Variants in PM20D1 observed in about 807,000 individuals in gnomAD.
PM20D1 encodes N-fatty-acyl-amino acid synthase/hydrolase PM20D1.
In PM20D1, 53 loss-of-function variants were observed where a neutral mutation model predicts 53.8. The observed-to-expected ratio is 0.98, with a 90% CI of 0.79 to 1.24. The LOEUF is 1.24. Among genes scored for constraint, PM20D1 ranks in the 50% most tolerant of loss-of-function variants. The pLI, the probability that PM20D1 is intolerant of heterozygous loss-of-function variation, is 0.00. For synonymous variants in PM20D1, 239 were observed against 241.3 expected (o/e 0.99, Z 0.09); for missense variants, 564 against 616.8 (o/e 0.91, Z 0.91).
chr1:205,828,762 A>G lies in PM20D1; in HGVS notation c.1386-19T>C. 1 of 1,613,546 alleles carries G rather than the reference A, an allele frequency of 6.2e-7. No individual in the cohort carries two copies. Among genetic ancestry groups the G allele is most frequent in the Non-Finnish European group, 8.5e-7 (1 of 1,179,640 alleles). On this transcript the variant is annotated intron_variant, in intron 12 of 12. Transcript: ENST00000367136. ...ATGGATGCTGAGGAAAGTAAGGTGC[A>G]TTTAGGGAAGGAGGGGAGGGCCAAG...
rs1234273679 is a variant in PM20D1, at chr1:205,840,320, T to A, written c.1048A>T (p.Asn350Tyr). 6.2e-7 allele frequency: 1 copy of A among 1,613,512 alleles called. No individual in the cohort carries two copies. The highest frequency in any genetic ancestry group is 8.5e-7 in the Non-Finnish European group (1 of 1,179,676). Residue 350 changes from asparagine (N) to tyrosine (Y), a missense_variant, in exon 10 of 13, where the codon AAT (asparagine) becomes TAT (tyrosine). Transcript: ENST00000367136. ...LTIFKAGVKFNVIPPVAQATV... is the reference protein window; with the variant it reads ...LTIFKAGVKFYVIPPVAQATV... ...GCCTGGGCCACTGGGGGGATGACAT[T>A]GAACTAGAGAGAGAAGCACAAAACC...
chr1:205,830,775 A>G (rs1258118612), intron 11 of PM20D1, among the ~76,000 whole-genome samples: 1 of 151,516 alleles, frequency 6.6e-6, no homozygotes, highest in Non-Finnish European at 1.5e-5. Flanking sequence ...GCTGTTCCCC[A>G]TGACGCCCAG....
rs771424093 is a variant in PM20D1 at position 205,840,208 on chromosome 1, C to T, written c.1116+44G>A. 82 of 1,571,674 alleles carry T rather than the reference C, an allele frequency of 5.2e-5. No individual in the cohort carries two copies. In the Admixed American group the frequency reaches 1.3e-3, roughly 25 times the overall value. ...AACCCGGGCCCTGAGGGCCACATCT[C>T]CCTGATGCTGCATGAGTTGTTGTCT... On this transcript the variant is annotated intron_variant, in intron 10 of 12. Transcript: ENST00000367136.
Position 205,844,796 on chromosome 1 carries a change from G to T in PM20D1, c.576+15C>A, listed in dbSNP as rs1216606529. 3.7e-6 allele frequency: 6 copies of T among 1,603,666 alleles called. No homozygotes were observed. The highest frequency in any genetic ancestry group is 5.1e-6 in the Non-Finnish European group (6 of 1,170,854). ...AACAGAGGACAGAGATAGGTATAAG[G>T]TGAGGAGGCTCTACCTCCTCATCAT... On this transcript the variant is annotated intron_variant, in intron 4 of 12. Transcript: ENST00000367136.
intron 10 of PM20D1, among the ~76,000 whole-genome samples, chr1:205,833,562 A>G (rs1274866124): frequency 6.6e-6 from 1 of 152,232 alleles, no homozygotes; most frequent in Non-Finnish European, 1.5e-5. Flanking sequence ...TCCTTGGGAA[A>G]GAACCTAAGG....
chr1:205,844,184 G>A lies in PM20D1; in HGVS notation c.610C>T (p.Leu204=). ...AGCTGGACGCCCCTTGACTGTAGCA[G>A]GGCTGAGATCCTCTGAGCCCCTGTC... is the stretch of plus-strand genomic sequence containing the variant. The part of the protein sequence containing the change: ...SGTGAQRISA[L]LQSRGVQLAF... The change falls in exon 5 of 13, where the codon CTG becomes TTG. Residue 204 remains leucine (L), a synonymous_variant. Coordinates refer to ENST00000367136, the MANE Select transcript of PM20D1 (RefSeq NM_152491.5). 6.2e-7 allele frequency: 1 copy of A among 1,613,740 alleles called. No individual in the cohort carries two copies. The highest frequency in any genetic ancestry group is 8.5e-7 in the Non-Finnish European group (1 of 1,179,804).
intron 10 of PM20D1, among the ~76,000 whole-genome samples, chr1:205,837,552 A>AACTCT (rs1429669589): frequency 7.9e-5 from 12 of 152,202 alleles, no homozygotes; most frequent in Non-Finnish European, 1.6e-4. Flanking sequence ...ATCCAGCCCG[A>AACTCT]GGCTCTGTGC....
intron 4 of PM20D1, 64 bp from the exon 5 acceptor site, chr1:205,844,281 A>G: frequency 1.3e-6 from 2 of 1,495,098 alleles, no homozygotes; most frequent in South Asian, 1.4e-5. Context: ...AGACATAGCT[A>G]ATGGGGACCT....
chr1:205,849,887 AG>A lies in PM20D1; in HGVS notation c.169+16del. On this transcript the variant is annotated intron_variant, in intron 1 of 12. Transcript: ENST00000367136. Reference sequence around the variant, plus strand: ...CCCACATATGAGCATAGGTGGGTGAAGGGGACCCGGGTTCACCTTTCAGCGC... The same window carrying A: ...CCCACATATGAGCATAGGTGGGTGAAGGGACCCGGGTTCACCTTTCAGCGC... 1 of 1,603,670 alleles carries A rather than the reference AG, an allele frequency of 6.2e-7. No homozygotes were observed. The highest frequency in any genetic ancestry group is 1.1e-5 in the South Asian group (1 of 89,918).
At position 205,849,185 on chromosome 1, in the gene PM20D1, A is replaced by C. The variant is rs527486505; in HGVS notation, c.169+719T>G. 8.5e-5 allele frequency among the ~76,000 whole-genome samples: 13 copies of C among 152,350 alleles called. No homozygotes were observed. In the East Asian group the frequency reaches 2.3e-3, roughly 27 times the overall value. On this transcript the variant is annotated intron_variant, in intron 1 of 12. Coordinates refer to ENST00000367136, the MANE Select transcript of PM20D1 (RefSeq NM_152491.5). ...AATGAAAGGGAAAAGACTGGAGCTA[A>C]GCTGAATGGTAAAGAAGGATTTCAT... is the stretch of plus-strand genomic sequence containing the variant.
intron 5 of PM20D1, 83 bp downstream of exon 5, chr1:205,844,004 C>A: frequency 6.5e-7 from 1 of 1,537,490 alleles, no homozygotes; most frequent in Non-Finnish European, 8.8e-7. Context: ...GTTGTCTCAG[C>A]ATGGCTCACA....
Position 205,841,769 on chromosome 1 carries a change from G to A in PM20D1, c.1044+42C>T, listed in dbSNP as rs916003396. 3 of 1,502,674 alleles carry A rather than the reference G, an allele frequency of 2.0e-6. No homozygotes were observed. The Admixed American group carries it at 5.9e-5, about 29-fold the overall frequency. 93.1% of individuals were successfully genotyped at this position (1,502,674 alleles called of 1,614,324 possible). On this transcript the variant is annotated intron_variant, in intron 9 of 12. Transcript: ENST00000367136. ...GATTCAAGGAAGGGAGGAGTGGAGG[G>A]CGGTAGGGAAAAGCTATATGGGGAG...
rs747862752 is a variant in PM20D1 at position 205,843,792 on chromosome 1, G to C, written c.708-6C>G. ...CCTTCTCTGAGACTGCAATCCTGTA[G>C]AAGAGGATCGGAAACCACTCTCCTG... is the stretch of plus-strand genomic sequence containing the variant. On this transcript the variant is annotated splice_region_variant and splice_polypyrimidine_tract_variant and intron_variant, in intron 5 of 12. Coordinates refer to ENST00000367136, the MANE Select transcript of PM20D1 (RefSeq NM_152491.5). 3 of 1,612,784 alleles carry C rather than the reference G, an allele frequency of 1.9e-6. No homozygotes were observed. Among genetic ancestry groups the C allele is most frequent in the African/African-American group, 1.3e-5 (1 of 74,984 alleles).
chr1:205,828,367 C>G lies in PM20D1; in HGVS notation c.*253G>C, dbSNP rs889882662. ...AAGCAGTGAAATAACCAGCATAAGA[C>G]AGATAAGGGACAAGAGGGCAGCAAA... On this transcript the variant is annotated 3_prime_UTR_variant, in exon 13 of 13. Coordinates refer to ENST00000367136, the MANE Select transcript of PM20D1 (RefSeq NM_152491.5). 4.7e-6 allele frequency: 2 copies of G among 421,946 alleles called. No individual in the cohort carries two copies. Among genetic ancestry groups the G allele is most frequent in the Non-Finnish European group, 4.3e-6 (1 of 230,936 alleles). 26.1% of individuals were successfully genotyped at this position (421,946 alleles called of 1,614,324 possible).
intron 10 of PM20D1, among the ~76,000 whole-genome samples, chr1:205,838,509 T>A (rs751920640): frequency 3.9e-5 from 6 of 152,202 alleles, no homozygotes; most frequent in Non-Finnish European, 8.8e-5. Flanking sequence ...AATTATACAT[T>A]CATTTTTAAA....
intron 9 of PM20D1, among the ~76,000 whole-genome samples, chr1:205,841,166 T>C (rs1206988464): frequency 6.6e-6 from 1 of 152,186 alleles, no homozygotes; most frequent in Admixed American, 6.5e-5. Context: ...CTTTTTTGCC[T>C]GACCAGGAGG....
intron 10 of PM20D1, among the ~76,000 whole-genome samples, chr1:205,839,186 T>C (rs1388384116): frequency 6.6e-6 from 1 of 152,236 alleles, no homozygotes. Context: ...TCATCTCCTA[T>C]TACTTGTCCC....
intron 9 of PM20D1, among the ~76,000 whole-genome samples, 185 bp from the exon 10 acceptor site, chr1:205,840,508 T>C (rs1656782608): frequency 6.6e-6 from 1 of 152,342 alleles, no homozygotes; most frequent in South Asian, 2.1e-4. Flanking sequence ...TATTCAGAGC[T>C]GAAGGGGTGT....
chr1:205,828,447 G>A lies in PM20D1; in HGVS notation c.*173C>T, dbSNP rs1656488128. The A allele has an allele frequency of 1.1e-6, 1 of 910,928 alleles. No homozygotes were observed. Among genetic ancestry groups the A allele is most frequent in the Non-Finnish European group, 1.6e-6 (1 of 637,106 alleles). 56.4% of individuals were successfully genotyped at this position (910,928 alleles called of 1,614,324 possible). A position where few individuals can be genotyped will look rare whatever the true frequency, so the allele number is the denominator to read the frequency against. ...GGAGGAAGGGAGAAGCCAGATTTCTGCTGACTTTACCTTACCCCGGCCTTG... is the reference window on the plus strand; with the variant it reads ...GGAGGAAGGGAGAAGCCAGATTTCTACTGACTTTACCTTACCCCGGCCTTG... On this transcript the variant is annotated 3_prime_UTR_variant, in exon 13 of 13. Transcript: ENST00000367136.
Sources: gnomAD v4.1 joint callset for allele counts (sites outside exome capture counted in the v4.1 genomes callset) on GRCh38, gnomAD v4.1.1 for gene constraint, MANE v1.5 for transcripts, NCBI Gene and HGNC (gene_info 2026-07-23, HGNC 2026-07-21) for gene names.